Variants in IQUB observed in about 807,000 individuals in gnomAD.
IQUB encodes the protein IQ motif and ubiquitin-like domain-containing protein.
In IQUB, 86 loss-of-function variants were observed where a neutral mutation model predicts 86.4. That is an observed-to-expected ratio of 1.00 (90% CI 0.84 to 1.19). The LOEUF (loss-of-function observed/expected upper bound fraction) is 1.19, where lower values mean the gene tolerates loss of function less well. Ranked by LOEUF, IQUB falls within the 50% of genes most tolerant of loss-of-function variation. The pLI, the probability that IQUB is intolerant of heterozygous loss-of-function variation, is 0.00. For missense variants in IQUB, 946 were observed against 916.9 expected, an observed-to-expected ratio of 1.03 and a Z score of -0.41; for synonymous variants, 289 against 304.5, an observed-to-expected ratio of 0.95 and a Z score of 0.53.
chr7:123,486,491 G>C (rs534812929), intron 7 of IQUB, among the ~76,000 whole-genome samples: 2 of 152,266 alleles, frequency 1.3e-5, no homozygotes, highest in South Asian at 4.1e-4. Context: ...TGACCACTGT[G>C]AATGTGACTT....
Position 123,534,496 on chromosome 7 carries a change from G to C in IQUB, c.-9C>G, listed in dbSNP as rs867040719. Reference sequence around the variant, plus strand: ...AGTCAAAATCTGTTCTCCTACCTGTGTACGAAACCAAACTATTCTCGTCGA... The same window carrying C: ...AGTCAAAATCTGTTCTCCTACCTGTCTACGAAACCAAACTATTCTCGTCGA... On this transcript the variant is annotated 5_prime_UTR_variant, in exon 1 of 13. Coordinates refer to ENST00000324698, the MANE Select transcript of IQUB (RefSeq NM_178827.5). 8 of 153,196 alleles carry C rather than the reference G, an allele frequency of 5.2e-5. No individual in the cohort carries two copies. The highest frequency in any genetic ancestry group is 1.9e-4 in the African/African-American group (8 of 41,444). 9.5% of individuals were successfully genotyped at this position (153,196 alleles called of 1,614,324 possible).
In IQUB at chr7:123,495,593, G is replaced by T. The variant is rs546787489; in HGVS notation, c.1234+1103C>A. ...TAAAATATCCCATTCAACTACAAAA[G>T]CCAATTGAGGCTATTTCTAGGTTTT... On this transcript the variant is annotated intron_variant, in intron 7 of 12. Coordinates refer to ENST00000324698, the MANE Select transcript of IQUB (RefSeq NM_178827.5). Among the ~76,000 whole-genome samples the T allele has an allele frequency of 2.0e-5, 3 of 152,194 alleles. No individual in the cohort carries two copies. The East Asian group carries it at 5.8e-4, about 29-fold the overall frequency.
intron 7 of IQUB, among the ~76,000 whole-genome samples, chr7:123,480,676 C>A (rs76599730): frequency 0.016 from 2,425 of 152,162 alleles, 62 homozygotes; most frequent in African/African-American, 0.055. Context: ...GTGTCTGCTT[C>A]CCCAAGGACC....
At chr7:123,504,543 T>A (rs544174901) in intron 3 of IQUB, among the ~76,000 whole-genome samples, 1 of 151,574 alleles carries the variant, frequency 6.6e-6, no homozygotes, top group East Asian at 1.9e-4. Context: ...TGGCAGAAGG[T>A]GAAGAGGAAG....
chr7:123,453,050 C>T (rs537608044), intron 12 of IQUB, 125 bp from the exon 13 acceptor site: 16 of 689,560 alleles, frequency 2.3e-5, no homozygotes, highest in Admixed American at 2.9e-5. Flanking sequence ...ATTTTTCTCA[C>T]GTTGTCTATC....
intron 8 of IQUB, 92 bp from the exon 9 acceptor site, chr7:123,469,476 A>G (rs1794429883): frequency 1.6e-6 from 1 of 612,566 alleles, no homozygotes; most frequent in Admixed American, 3.6e-5. Flanking sequence ...CCTTAATATC[A>G]TGTGCTTTAT....
intron 7 of IQUB, among the ~76,000 whole-genome samples, chr7:123,490,823 G>C (rs1287648584): frequency 6.6e-6 from 1 of 152,040 alleles, no homozygotes; most frequent in Non-Finnish European, 1.5e-5. Context: ...AATTAGCCGG[G>C]TGTGGTGGCA....
chr7:123,480,352 C>T (rs538135964), intron 7 of IQUB, among the ~76,000 whole-genome samples: 11 of 152,218 alleles, frequency 7.2e-5, no homozygotes, highest in African/African-American at 2.4e-4. Context: ...GTTCCAACTA[C>T]AGCATTTCAG....
intron 1 of IQUB, among the ~76,000 whole-genome samples, chr7:123,529,003 C>A (rs1197749228): frequency 1.3e-5 from 2 of 152,136 alleles, no homozygotes; most frequent in Non-Finnish European, 2.9e-5. Flanking sequence ...GATCTTCCAA[C>A]CCAGTTTGGA....
chr7:123,494,409 G>T (rs1036240784), intron 7 of IQUB, among the ~76,000 whole-genome samples: 2 of 152,112 alleles, frequency 1.3e-5, no homozygotes, highest in African/African-American at 4.8e-5. Flanking sequence ...AAGGAATGGA[G>T]TTATGAATAT....
At chr7:123,503,822 A>G (rs1463096137) in intron 3 of IQUB, among the ~76,000 whole-genome samples, 1 of 152,050 alleles carries the variant, frequency 6.6e-6, no homozygotes, top group East Asian at 1.9e-4. Flanking sequence ...ATGTTAGTAC[A>G]AAAAACTCCA....
At chr7:123,531,671 T>C (rs183501858) in intron 1 of IQUB, among the ~76,000 whole-genome samples, 5 of 152,374 alleles carry the variant, frequency 3.3e-5, no homozygotes, top group African/African-American at 7.2e-5. Context: ...TTTTGATAAA[T>C]TTCAAATTAA....
chr7:123,456,588 G>A (rs899239635), intron 12 of IQUB: 1 of 151,784 alleles, frequency 6.6e-6, no homozygotes, highest in Non-Finnish European at 1.5e-5. Flanking sequence ...TATTTTAAAC[G>A]ACTACTGCAT....
At chr7:123,518,319 C>T (rs1427362282) in intron 1 of IQUB, among the ~76,000 whole-genome samples, 1 of 152,066 alleles carries the variant, frequency 6.6e-6, no homozygotes, top group South Asian at 2.1e-4. Context: ...CCTACCCCAC[C>T]AACCCCTGCC....
chr7:123,512,227 C>T lies in IQUB; in HGVS notation c.114G>A (p.Glu38=), dbSNP rs536430839. ...TIPVPSEEPQ[E]SDQTEEHESG... is the part of the protein sequence containing the mutation. ...ATTCATGCTCTTCAGTTTGATCTGA[C>T]TCTTGAGGCTCTTCTGAGGGAACTG... Residue 38 remains glutamate, a synonymous_variant, in exon 2 of 13, where the codon GAG becomes GAA. Coordinates refer to ENST00000324698, the MANE Select transcript of IQUB (RefSeq NM_178827.5). The T allele has an allele frequency of 1.1e-4, 173 of 1,613,784 alleles. No homozygotes were observed. Among genetic ancestry groups the T allele is most frequent in the Admixed American group, 3.7e-4 (22 of 59,990 alleles).
intron 11 of IQUB, chr7:123,459,843 CT>C (rs1793900199): frequency 6.6e-6 from 1 of 151,822 alleles, no homozygotes. Context: ...AGAATTTAAG[CT>C]GAAATAAACA....
chr7:123,515,669 T>C (rs1285755755), intron 1 of IQUB, among the ~76,000 whole-genome samples: 3 of 152,212 alleles, frequency 2.0e-5, no homozygotes, highest in African/African-American at 7.2e-5. Context: ...TTACTCATTA[T>C]AAAAATGGAA....
chr7:123,457,093 C>T (rs555028241), intron 12 of IQUB: 14 of 849,966 alleles, frequency 1.6e-5, no homozygotes, highest in Non-Finnish European at 2.0e-5. Context: ...ATAAGCCAAA[C>T]AAAATCACTG....
intron 7 of IQUB, among the ~76,000 whole-genome samples, chr7:123,493,731 A>ATGTGTGTGTGTGTGTGTGTATG (rs1795585403): frequency 2.7e-5 from 3 of 112,564 alleles, no homozygotes; most frequent in Non-Finnish European, 5.8e-5. Flanking sequence ...ATGTGTGTGT[A>ATGTGTGTGTGTGTGTGTGTATG]TGTGTGTGTG....
Sources: gnomAD v4.1 joint callset for allele counts (sites outside exome capture counted in the v4.1 genomes callset) on GRCh38, gnomAD v4.1.1 for gene constraint, MANE v1.5 for transcripts, NCBI Gene and HGNC (gene_info 2026-07-23, HGNC 2026-07-21) for gene names.